Variants in SIK3 observed in about 807,000 individuals in gnomAD.
The protein encoded by SIK3 is serine/threonine-protein kinase SIK3.
Under a neutral mutation model 144.2 loss-of-function variants are expected in SIK3, and 28 were observed. The ratio of observed to expected loss-of-function variants is 0.19; its 90% CI spans 0.14 to 0.27. The LOEUF (loss-of-function observed/expected upper bound fraction) is 0.27, where lower values mean the gene tolerates loss of function less well. Ranked by LOEUF, SIK3 falls within the 10% of genes least tolerant of loss-of-function variation. The probability of loss-of-function intolerance (pLI) is 1.00; values close to 1 mark genes in which losing one functional copy is unlikely to be tolerated. For synonymous variants in SIK3, 686 were observed against 676.3 expected (o/e 1.01, Z -0.22); for missense variants, 1,319 against 1,776.0 (o/e 0.74, Z 4.62).
intron 1 of SIK3, among the ~76,000 whole-genome samples, chr11:117,088,100 G>A (rs977837108): frequency 6.6e-6 from 1 of 152,116 alleles, no homozygotes; most frequent in Admixed American, 6.6e-5. Flanking sequence ...AGCTGGGCAT[G>A]GTGGCATGCA....
intron 6 of SIK3, among the ~76,000 whole-genome samples, chr11:116,895,272 T>A (rs1273729075): frequency 2.0e-5 from 3 of 152,186 alleles, no homozygotes; most frequent in African/African-American, 7.2e-5. Flanking sequence ...GGGGGTGCTC[T>A]TCCCCGGACT....
intron 4 of SIK3, among the ~76,000 whole-genome samples, chr11:116,918,797 A>G (rs533415361): frequency 6.6e-6 from 1 of 152,362 alleles, no homozygotes; most frequent in Admixed American, 6.5e-5. Context: ...TAAAAAATAT[A>G]GATATGACAT....
chr11:116,919,163 C>A (rs1279276650), intron 4 of SIK3, among the ~76,000 whole-genome samples: 1 of 152,194 alleles, frequency 6.6e-6, no homozygotes, highest in Admixed American at 6.5e-5. Context: ...GTCAGAGGCA[C>A]TGTCAGTCAA....
chr11:116,881,127 A>AAAAATAAATAAAT (rs1370538061), intron 6 of SIK3, among the ~76,000 whole-genome samples: 1 of 152,050 alleles, frequency 6.6e-6, no homozygotes, highest in African/African-American at 2.4e-5. Context: ...CCGTCTCTAA[A>AAAAATAAATAAAT]AAAATAAATA....
At chr11:116,857,268 T>C (rs1942999117) in intron 21 of SIK3, 1 of 155,534 alleles carries the variant, frequency 6.4e-6, no homozygotes, top group Admixed American at 6.2e-5. Context: ...GCAAACATTA[T>C]GTAGAAACAA....
intron 4 of SIK3, among the ~76,000 whole-genome samples, chr11:116,906,596 G>A (rs1461967602): frequency 1.3e-5 from 2 of 152,144 alleles, no homozygotes; most frequent in East Asian, 1.9e-4. Flanking sequence ...TCAGGAAAAT[G>A]TAACAAGGAA....
At chr11:116,907,507 G>A (rs1946105311) in intron 4 of SIK3, among the ~76,000 whole-genome samples, 1 of 152,146 alleles carries the variant, frequency 6.6e-6, no homozygotes, top group East Asian at 1.9e-4. Context: ...TTAGCCAGGT[G>A]TGGTGGCAGG....
At chr11:117,075,588 C>T (rs1210967917) in intron 1 of SIK3, among the ~76,000 whole-genome samples, 1 of 147,320 alleles carries the variant, frequency 6.8e-6, no homozygotes, top group Non-Finnish European at 1.5e-5. Flanking sequence ...GCTGCCCAGG[C>T]TGGAGTGCAG....
chr11:116,992,055 G>A (rs1950515600), intron 1 of SIK3, among the ~76,000 whole-genome samples: 1 of 152,128 alleles, frequency 6.6e-6, no homozygotes, highest in Non-Finnish European at 1.5e-5. Context: ...CGGGCATGGT[G>A]GCTCATACCT....
chr11:117,036,583 AT>A (rs963944661), intron 1 of SIK3, among the ~76,000 whole-genome samples: 5 of 152,248 alleles, frequency 3.3e-5, no homozygotes, highest in Admixed American at 3.3e-4. Flanking sequence ...ATAAAGCAGA[AT>A]TTTAGACTTT....
chr11:117,091,268 G>A (rs1334264358), intron 1 of SIK3, among the ~76,000 whole-genome samples: 8 of 132,634 alleles, frequency 6.0e-5, no homozygotes, highest in East Asian at 2.3e-4. Flanking sequence ...GCGACGGCAC[G>A]ATCTCGGCTC....
At chr11:117,016,117 G>C (rs1951513144) in intron 1 of SIK3, 1 of 152,022 alleles carries the variant, frequency 6.6e-6, no homozygotes, top group Non-Finnish European at 1.5e-5. Flanking sequence ...CTTGAGGCCA[G>C]GAGTTCAAGG....
chr11:116,915,716 CCAAA>C (rs774995624), intron 4 of SIK3, among the ~76,000 whole-genome samples: 7 of 152,044 alleles, frequency 4.6e-5, no homozygotes, highest in Non-Finnish European at 7.4e-5. Context: ...AGAACCATGG[CCAAA>C]CAAAGACAAA....
At chr11:116,866,894 T>C (rs1036408293) in intron 15 of SIK3, among the ~76,000 whole-genome samples, 1 of 152,242 alleles carries the variant, frequency 6.6e-6, no homozygotes, top group African/African-American at 2.4e-5. Flanking sequence ...TAGTCATTTA[T>C]GAAAGCTTAT....
intron 1 of SIK3, among the ~76,000 whole-genome samples, chr11:116,983,547 T>TA (rs1306109021): frequency 1.3e-5 from 2 of 151,662 alleles, no homozygotes; most frequent in Non-Finnish European, 2.9e-5. Flanking sequence ...AATTGGTCAA[T>TA]AATTTCAAGA....
rs1941768233 is a variant in SIK3, at chr11:116,844,596, T to TATATATATA, written c.*1046_*1047insTATATATAT. The stretch of plus-strand genomic sequence containing the variant: ...AAGAGGAGAGCATATATATATATAT[T>TATATATATA]TTATATATATATTATATATATAATA... On this transcript the variant is annotated 3_prime_UTR_variant, in exon 25 of 25. Coordinates refer to ENST00000445177, the MANE Select transcript of SIK3 (RefSeq NM_001366686.3). 1 of 89,814 alleles carries TATATATATA rather than the reference T, an allele frequency of 1.1e-5. No homozygotes were observed. Among genetic ancestry groups the TATATATATA allele is most frequent in the Non-Finnish European group, 2.2e-5 (1 of 44,482 alleles). The allele number at this position is 89,814 out of a possible 1,614,324, so 5.6% of individuals were successfully genotyped here. A position where few individuals can be genotyped will look rare whatever the true frequency, so the allele number is the denominator to read the frequency against.
chr11:116,966,878 GCCTGT>G (rs1043816699), intron 1 of SIK3, among the ~76,000 whole-genome samples: 16 of 151,512 alleles, frequency 1.1e-4, no homozygotes, highest in African/African-American at 3.6e-4. Flanking sequence ...GGTGGCGTGG[GCCTGT>G]AGCCCCAGCT....
chr11:117,096,981 A>G (rs1955503442), intron 1 of SIK3, among the ~76,000 whole-genome samples: 1 of 152,210 alleles, frequency 6.6e-6, no homozygotes, highest in African/African-American at 2.4e-5. Flanking sequence ...AGTTCTAAAC[A>G]TAATGAATGA....
intron 1 of SIK3, among the ~76,000 whole-genome samples, chr11:117,043,867 C>T (rs1296618524): frequency 6.6e-6 from 1 of 152,118 alleles, no homozygotes; most frequent in African/African-American, 2.4e-5. Flanking sequence ...ACCTTTATGC[C>T]ATTAACATTT....
Sources: gnomAD v4.1 joint callset for allele counts (sites outside exome capture counted in the v4.1 genomes callset) on GRCh38, gnomAD v4.1.1 for gene constraint, MANE v1.5 for transcripts, NCBI Gene and HGNC (gene_info 2026-07-23, HGNC 2026-07-21) for gene names.